Variants in GHDC observed in about 807,000 individuals in gnomAD.
GHDC encodes GH3 domain containing, also known as GH3 domain-containing protein.
In GHDC, 39 loss-of-function variants were observed where a neutral mutation model predicts 51.5. The ratio of observed to expected loss-of-function variants is 0.76; its 90% CI spans 0.59 to 0.99. The LOEUF is 0.99. Ranked by LOEUF, GHDC falls within the 50% of genes least tolerant of loss-of-function variation. GHDC has a pLI of 0.00. For synonymous variants in GHDC, 282 were observed against 305.2 expected (o/e 0.92, Z 0.79); for missense variants, 610 against 672.8 (o/e 0.91, Z 1.03).
Position 42,190,671 on chromosome 17 carries a change from G to GCCAACTGC in GHDC, c.1240_1241insGCAGTTGG (p.Ala414GlyfsTer35), listed in dbSNP as rs1555546464. ...GCCATGGTCCAGCAGCTTGGCCCCC[G>GCCAACTGC]CCCACTGCCCCACTGCCCGGCCCAG... On this transcript the variant is annotated frameshift_variant, in exon 8 of 10. Coordinates refer to ENST00000587427, the MANE Select transcript of GHDC (RefSeq NM_032484.5). LOFTEE classifies it high-confidence loss of function. 2 of 1,613,426 alleles carry GCCAACTGC rather than the reference G, an allele frequency of 1.2e-6. No individual in the cohort carries two copies. The highest frequency in any genetic ancestry group is 1.7e-6 in the Non-Finnish European group (2 of 1,179,966).
At chr17:42,190,121 T>A (rs1239771068) in intron 9 of GHDC, 64 bp downstream of exon 9, 2 of 1,532,818 alleles carry the variant, frequency 1.3e-6, no homozygotes. Context: ...CTGATCTCCA[T>A]GGCACCCTGG....
intron 5 of GHDC, among the ~76,000 whole-genome samples, chr17:42,191,690 T>G (rs2079969858): frequency 6.6e-6 from 1 of 151,120 alleles, no homozygotes. Context: ...ACTCCTAACT[T>G]CAGGTGATCC....
intron 3 of GHDC, 59 bp downstream of exon 3, chr17:42,193,258 G>C: frequency 1.3e-6 from 2 of 1,523,802 alleles, no homozygotes; most frequent in South Asian, 1.3e-5. Context: ...TCTGGAATCT[G>C]ACGGTCCTGT....
chr17:42,189,961 T>A, intron 9 of GHDC, 40 bp from the exon 10 acceptor site: 1 of 1,452,676 alleles, frequency 6.9e-7, no homozygotes, highest in Non-Finnish European at 9.2e-7. Flanking sequence ...TGTGTGACTG[T>A]GAGTGTGCAC....
intron 5 of GHDC, among the ~76,000 whole-genome samples, chr17:42,191,907 C>T (rs537065746): frequency 9.2e-5 from 14 of 152,112 alleles, no homozygotes; most frequent in African/African-American, 3.4e-4. Context: ...GGATTATAGG[C>T]GTGCACCACC....
In GHDC at chr17:42,189,220, A is replaced by C. The variant is rs2079948052; in HGVS notation, c.*483T>G. On this transcript the variant is annotated 3_prime_UTR_variant, in exon 10 of 10. Coordinates refer to ENST00000587427, the MANE Select transcript of GHDC (RefSeq NM_032484.5). ...TACTGCTGCGGGCAACTGGGACTCC[A>C]TCCTGCTGGGCATCCTCTGAGAGTT... 1 of 397,696 alleles carries C rather than the reference A, an allele frequency of 2.5e-6. No individual in the cohort carries two copies. The highest frequency in any genetic ancestry group is 2.1e-5 in the African/African-American group (1 of 48,636). 24.6% of individuals were successfully genotyped at this position (397,696 alleles called of 1,614,324 possible). A position where few individuals can be genotyped will look rare whatever the true frequency, so the allele number is the denominator to read the frequency against.
At chr17:42,192,772 G>T (rs748624084) in intron 4 of GHDC, 30 bp from the exon 5 acceptor site, 2 of 1,533,284 alleles carry the variant, frequency 1.3e-6, no homozygotes, top group African/African-American at 2.8e-5. Context: ...ATGTTGGTCT[G>T]GTGTCAGAGC....
chr17:42,189,134 C>G lies in GHDC; in HGVS notation c.*569G>C, dbSNP rs116050394. 1 of 398,476 alleles carries G rather than the reference C, an allele frequency of 2.5e-6. No homozygotes were observed. The highest frequency in any genetic ancestry group is 4.4e-6 in the Non-Finnish European group (1 of 226,108). 24.7% of individuals were successfully genotyped at this position (398,476 alleles called of 1,614,324 possible). ...GGGAGCCATCCCAGGAAGCCCAAGG[C>G]GGGGGAGTGGGGAAGAGAGGGAAGG... On this transcript the variant is annotated 3_prime_UTR_variant, in exon 10 of 10. Coordinates refer to ENST00000587427, the MANE Select transcript of GHDC (RefSeq NM_032484.5).
rs779740542 is a variant in GHDC, at chr17:42,190,637, C to G, written c.1275G>C (p.Glu425Asp). ...GAKLLDHGCV[E>D]SSILDSSAGS... ...GGGGAGGCTCACCCAGAATGCTGCT[C>G]TCCACACAGCCATGGTCCAGCAGCT... The change falls in exon 8 of 10, where the codon GAG becomes GAC. Residue 425 changes from glutamate (E) to aspartate (D), a missense_variant. Glu to Asp is a conservative substitution (Grantham distance 45, BLOSUM62 2). Coordinates refer to ENST00000587427, the MANE Select transcript of GHDC (RefSeq NM_032484.5). 1 of 1,612,284 alleles carries G rather than the reference C, an allele frequency of 6.2e-7. No homozygotes were observed. The highest frequency in any genetic ancestry group is 1.7e-5 in the Admixed American group (1 of 59,940).
At chr17:42,192,798 C>T in intron 4 of GHDC, 56 bp from the exon 5 acceptor site, 1 of 1,543,322 alleles carries the variant, frequency 6.5e-7, no homozygotes, top group Non-Finnish European at 8.7e-7. Context: ...CCAGAGCCCC[C>T]ATTTGGGGGT....
chr17:42,189,993 C>G, intron 9 of GHDC, 72 bp from the exon 10 acceptor site: 1 of 1,377,906 alleles, frequency 7.3e-7, no homozygotes, highest in African/African-American at 1.5e-5. Context: ...GTGGCTGTGC[C>G]CAGGCTACAT....
chr17:42,192,016 C>G (rs1327814638), intron 5 of GHDC, among the ~76,000 whole-genome samples: 1 of 151,092 alleles, frequency 6.6e-6, no homozygotes, highest in Non-Finnish European at 1.5e-5. Context: ...TCCACCTTGG[C>G]CTCCCAAAGT....
Position 42,189,538 on chromosome 17 carries a change from CG to C in GHDC, c.*164del, listed in dbSNP as rs1598284333. On this transcript the variant is annotated 3_prime_UTR_variant, in exon 10 of 10. Coordinates refer to ENST00000587427, the MANE Select transcript of GHDC (RefSeq NM_032484.5). ...ACCCCGGAGGCCCATACTTCAGAAC[CG>C]GTCAGCTGGGCCAAGGCCTCTCTAA... The C allele has an allele frequency of 4.5e-6, 2 of 444,656 alleles. No homozygotes were observed. The highest frequency in any genetic ancestry group is 6.9e-5 in the East Asian group (2 of 28,802). The allele number at this position is 444,656 out of a possible 1,614,324, so 27.5% of individuals were successfully genotyped here.
intron 9 of GHDC, 114 bp downstream of exon 9, chr17:42,190,071 G>C (rs972018260): frequency 7.1e-7 from 1 of 1,418,188 alleles, no homozygotes. Flanking sequence ...CAGAGCCCCA[G>C]GGAGCTTCTC....
chr17:42,192,213 C>CGG, intron 5 of GHDC, 28 bp downstream of exon 5: 1 of 1,514,524 alleles, frequency 6.6e-7, no homozygotes, highest in South Asian at 1.4e-5. Context: ...CCGTTGCCCC[C>CGG]ACCTCACTGC....
Position 42,192,381 on chromosome 17 carries a change from C to A in GHDC, c.749G>T (p.Gly250Val), listed in dbSNP as rs778010470. The A allele has an allele frequency of 4.3e-6, 7 of 1,612,812 alleles. No individual in the cohort carries two copies. The highest frequency in any genetic ancestry group is 3.4e-6 in the Non-Finnish European group (4 of 1,179,870). The change falls in exon 5 of 10, where the codon GGA (glycine) becomes GTA (valine). Residue 250 changes from glycine (G) to valine (V), a missense_variant. This residue lies in a region of GHDC where 412 missense variants were observed against 410.4 expected (regional missense o/e 1.00). Coordinates refer to ENST00000587427, the MANE Select transcript of GHDC (RefSeq NM_032484.5). Reference sequence around the variant, plus strand: ...CTTTGGCCAGAGCCGAAGGGCCAGTCCCCGTGGCCCCTGCTCTAGGGCCTC... The same window carrying A: ...CTTTGGCCAGAGCCGAAGGGCCAGTACCCGTGGCCCCTGCTCTAGGGCCTC... ...LREALEQGPRGLALRLWPKLQ... is the reference protein window; with the variant it reads ...LREALEQGPRVLALRLWPKLQ...
rs893993958 is a variant in GHDC, at chr17:42,192,400, G to A, written c.730C>T (p.Leu244=). 3.1e-6 allele frequency: 5 copies of A among 1,612,782 alleles called. No individual in the cohort carries two copies. In the African/African-American group the frequency reaches 6.7e-5, roughly 22 times the overall value. The change falls in exon 5 of 10, where the codon CTA becomes TTA. Residue 244 remains leucine (L), a synonymous_variant. Transcript: ENST00000587427. The part of the protein sequence containing the change: ...RERAAELREA[L]EQGPRGLALR... ...GCCAGTCCCCGTGGCCCCTGCTCTA[G>A]GGCCTCCCGGAGCTCAGCTGCCCGT...
At position 42,190,747 on chromosome 17, in the gene GHDC, T is replaced by A; in HGVS notation, c.1165A>T (p.Thr389Ser). The A allele has an allele frequency of 6.2e-7, 1 of 1,613,980 alleles. No individual in the cohort carries two copies. The highest frequency in any genetic ancestry group is 1.1e-5 in the South Asian group (1 of 91,068). The change falls in exon 8 of 10, where the codon ACC becomes TCC. Residue 389 changes from threonine (T) to serine (S), a missense_variant. Physicochemically the swap from Thr to Ser is moderately conservative, Grantham distance 58. Around this residue, in one of 2 missense-constraint regions of GHDC, gnomAD observed 412 missense variants for 410.4 expected, o/e 1.00. Coordinates refer to ENST00000587427, the MANE Select transcript of GHDC (RefSeq NM_032484.5). ...ATATCTTCCCCTCGCACACTCAGGG[T>A]CTGGTCCAGCCTGAAGAGGAGGAAG... Reference protein sequence around the residue: ...VVRFICRLDQTLSVRGEDIGE... With the variant: ...VVRFICRLDQSLSVRGEDIGE...
intron 8 of GHDC, 163 bp from the exon 9 acceptor site, chr17:42,190,433 T>G: frequency 6.7e-7 from 1 of 1,487,332 alleles, no homozygotes; most frequent in Non-Finnish European, 9.0e-7. Flanking sequence ...AGCTTGATCC[T>G]AAATAGGAGA....
Sources: allele counts gnomAD v4.1 joint callset (sites outside exome capture counted in the v4.1 genomes callset), GRCh38; gene constraint gnomAD v4.1.1; regional missense constraint gnomAD v4.1.1; transcripts MANE v1.5; gene names NCBI Gene and HGNC (gene_info 2026-07-23, HGNC 2026-07-21).